CSMD1: variants seen among roughly 807,000 people sequenced by gnomAD.
The protein encoded by CSMD1 is CUB and sushi domain-containing protein 1.
In CSMD1, 213 loss-of-function variants were observed where a neutral mutation model predicts 417.5. The ratio of observed to expected loss-of-function variants is 0.51; its 90% CI spans 0.46 to 0.57. The LOEUF is 0.57. Ranked by LOEUF, CSMD1 falls within the 20% of genes least tolerant of loss-of-function variation. The pLI is 0.00. For missense variants in CSMD1, 6,923 were observed against 4,529.7 expected (o/e 1.53, Z -15.17); for synonymous variants, 2,862 against 1,736.8 (o/e 1.65, Z -16.11).
At chr8:3,966,984 A>C (rs939922718) in intron 5 of CSMD1, among the ~76,000 whole-genome samples, 2 of 152,182 alleles carry the variant, frequency 1.3e-5, no homozygotes, top group Non-Finnish European at 2.9e-5. Flanking sequence ...AGTGGAGGGT[A>C]CATCTTCCAC....
At chr8:3,598,273 A>G (rs1209949429) in intron 8 of CSMD1, 1 of 152,182 alleles carries the variant, frequency 6.6e-6, no homozygotes, top group Non-Finnish European at 1.5e-5. Context: ...AAACATCCCC[A>G]GAAAAACAGA....
chr8:3,224,641 A>G (rs1475196930), intron 27 of CSMD1, among the ~76,000 whole-genome samples: 1 of 152,208 alleles, frequency 6.6e-6, no homozygotes, highest in East Asian at 1.9e-4. Context: ...AGAAAGAACC[A>G]CTTTATATGA....
chr8:4,486,144 T>A lies in CSMD1; in HGVS notation c.303-66079A>T, dbSNP rs1300139725. Among the ~76,000 whole-genome samples, 2 of 26,844 alleles carry A rather than the reference T, an allele frequency of 7.5e-5. 1 individual carries two copies. Among genetic ancestry groups the A allele is most frequent in the African/African-American group, 2.7e-4 (2 of 7,484 alleles). The allele number at this position is 26,844 out of a possible 152,430, so 17.6% of individuals were successfully genotyped here. A position where few individuals can be genotyped will look rare whatever the true frequency, so the allele number is the denominator to read the frequency against. On this transcript the variant is annotated intron_variant, in intron 2 of 69. Transcript: ENST00000635120. The stretch of plus-strand genomic sequence containing the variant: ...ATACATATATATATATATACATACA[T>A]ATATATATATATACATACATATATA...
intron 3 of CSMD1, among the ~76,000 whole-genome samples, chr8:4,107,356 C>T (rs548226197): frequency 6.6e-6 from 1 of 152,284 alleles, no homozygotes; most frequent in African/African-American, 2.4e-5. Flanking sequence ...CCTTACAAAG[C>T]CACCTGTAGA....
rs189248803 is a variant in CSMD1 at position 4,967,124 on chromosome 8, G to A, written c.85+27208C>T. ...ATAAATTTGTCTTAAAAAAAAATCA[G>A]GGTTCATTCAAAGGAAGAGACTCCT... On this transcript the variant is annotated intron_variant, in intron 1 of 69. Transcript: ENST00000635120. Among the ~76,000 whole-genome samples the A allele has an allele frequency of 5.3e-5, 8 of 152,130 alleles. No individual in the cohort carries two copies. The East Asian group carries it at 1.5e-3, about 29-fold the overall frequency.
chr8:3,163,077 T>A (rs936059375), intron 37 of CSMD1, among the ~76,000 whole-genome samples: 1 of 152,222 alleles, frequency 6.6e-6, no homozygotes, highest in Admixed American at 6.5e-5. Context: ...AAACTTTCCA[T>A]TATGAGATGA....
rs569045236 is a variant in CSMD1, at chr8:3,465,837, G to C, written c.1561+2875C>G. ...CATAGCAGTTTGTCTAGGGTTTGTA[G>C]TCTGAGGGACTGACTGTGACTCCAG... On this transcript the variant is annotated intron_variant, in intron 12 of 69. Transcript: ENST00000635120. Among the ~76,000 whole-genome samples, 6 of 152,292 alleles carry C rather than the reference G, an allele frequency of 3.9e-5. No homozygotes were observed. In the South Asian group the frequency reaches 8.3e-4, roughly 21 times the overall value.
At chr8:3,384,643 T>C (rs555341108) in intron 18 of CSMD1, among the ~76,000 whole-genome samples, 76 of 140,662 alleles carry the variant, frequency 5.4e-4, no homozygotes, top group Non-Finnish European at 1.0e-3. Flanking sequence ...TATATATTGC[T>C]ATATACATAT....
chr8:4,167,078 A>G (rs896340222), intron 3 of CSMD1, among the ~76,000 whole-genome samples: 3 of 152,142 alleles, frequency 2.0e-5, no homozygotes, highest in African/African-American at 4.8e-5. Flanking sequence ...AAAACTTAGA[A>G]TATCTGTAGA....
chr8:3,106,400 A>C, intron 46 of CSMD1, 128 bp downstream of exon 46: 2 of 603,234 alleles, frequency 3.3e-6, no homozygotes, highest in South Asian at 5.7e-5. Flanking sequence ...CCTATCTCCA[A>C]GATAAATAAA....
chr8:4,790,398 A>G (rs1004348475), intron 1 of CSMD1, among the ~76,000 whole-genome samples: 6 of 152,188 alleles, frequency 3.9e-5, no homozygotes, highest in African/African-American at 7.2e-5. Context: ...ATAAATAGCC[A>G]TACTTCCCAG....
chr8:4,455,688 T>G (rs1377137954), intron 2 of CSMD1, among the ~76,000 whole-genome samples: 1 of 151,862 alleles, frequency 6.6e-6, no homozygotes, highest in East Asian at 1.9e-4. Context: ...CTCAGCACTT[T>G]GGGAGGCCGA....
chr8:3,158,166 C>T (rs1819651302), intron 38 of CSMD1, among the ~76,000 whole-genome samples, 200 bp from the exon 39 acceptor site: 1 of 152,134 alleles, frequency 6.6e-6, no homozygotes, highest in Non-Finnish European at 1.5e-5. Context: ...TCCATTTTCA[C>T]CGTGTTTCTT....
At chr8:4,721,321 T>G (rs1402064430) in intron 1 of CSMD1, among the ~76,000 whole-genome samples, 1 of 152,202 alleles carries the variant, frequency 6.6e-6, no homozygotes, top group Non-Finnish European at 1.5e-5. Context: ...GTTGGTGGGT[T>G]TGATGAGTAG....
At chr8:4,344,599 G>A (rs148772958) in intron 3 of CSMD1, among the ~76,000 whole-genome samples, 1 of 151,282 alleles carries the variant, frequency 6.6e-6, no homozygotes, top group Non-Finnish European at 1.5e-5. Context: ...TGACTCGCTG[G>A]GTTATGAGTT....
intron 49 of CSMD1, among the ~76,000 whole-genome samples, chr8:3,064,150 T>C (rs1044763931): frequency 1.4e-4 from 21 of 152,344 alleles, no homozygotes; most frequent in African/African-American, 5.1e-4. Flanking sequence ...TGAATACGTT[T>C]TCAACAAAAT....
chr8:4,707,783 A>G (rs1407096781), intron 1 of CSMD1, among the ~76,000 whole-genome samples: 2 of 151,078 alleles, frequency 1.3e-5, no homozygotes, highest in African/African-American at 4.9e-5. Flanking sequence ...GCTACTCGGG[A>G]GGCTGAAGCA....
chr8:4,072,783 A>T (rs1436510711), intron 3 of CSMD1, among the ~76,000 whole-genome samples: 1 of 152,182 alleles, frequency 6.6e-6, no homozygotes. Flanking sequence ...CCTCACAGTC[A>T]TGGAAATTGA....
chr8:3,257,137 C>T (rs1800711262), intron 26 of CSMD1, among the ~76,000 whole-genome samples: 1 of 152,246 alleles, frequency 6.6e-6, no homozygotes, highest in Non-Finnish European at 1.5e-5. Flanking sequence ...GCCTGGCCAA[C>T]ATGGTGAAAC....
Sources: gnomAD v4.1 joint callset for allele counts (sites outside exome capture counted in the v4.1 genomes callset) on GRCh38, gnomAD v4.1.1 for gene constraint, MANE v1.5 for transcripts, NCBI Gene and HGNC (gene_info 2026-07-23, HGNC 2026-07-21) for gene names.